The following LYPLAL1 variants were observed in gnomAD, a reference collection of about 807,000 sequenced individuals.
The protein encoded by LYPLAL1 is lysophospholipase like 1.
A neutral mutation model predicts 19.7 loss-of-function variants in LYPLAL1; 23 were observed. The observed-to-expected ratio is 1.17, with a 90% CI of 0.84 to 1.65. LYPLAL1 has a LOEUF of 1.65. Among genes scored for constraint, LYPLAL1 ranks in the 40% most tolerant of loss-of-function variants. The pLI is 0.00. For missense variants in LYPLAL1, 355 were observed against 279.4 expected (o/e 1.27, Z -1.93); for synonymous variants, 119 against 96.3 (o/e 1.24, Z -1.38).
chr1:219,380,227 G>A, the LYPLAL1 span, among the ~76,000 whole-genome samples: 23 of 152,298 alleles, frequency 1.5e-4, no homozygotes, highest in Middle Eastern at 6.8e-3. Flanking sequence ...GAGATTTATC[G>A]AATAAATGCC....
the LYPLAL1 span, among the ~76,000 whole-genome samples, chr1:219,351,207 A>G: frequency 1.3e-5 from 2 of 152,024 alleles, no homozygotes; most frequent in Non-Finnish European, 2.9e-5. Context: ...ATTAGACAAT[A>G]CATAGTAATT....
At chr1:219,402,695 A>G in the LYPLAL1 span, among the ~76,000 whole-genome samples, 5 of 151,702 alleles carry the variant, frequency 3.3e-5, no homozygotes, top group Non-Finnish European at 7.4e-5. Context: ...ATTGTATAGT[A>G]TGCATCATTT....
chr1:219,283,515 T>C, the LYPLAL1 span, among the ~76,000 whole-genome samples: 1 of 152,194 alleles, frequency 6.6e-6, no homozygotes. Flanking sequence ...CTATTTTTCC[T>C]CATAAGCTGT....
At chr1:219,274,988 G>A in the LYPLAL1 span, among the ~76,000 whole-genome samples, 1 of 151,932 alleles carries the variant, frequency 6.6e-6, no homozygotes, top group Admixed American at 6.6e-5. Context: ...TTCCTAAGTC[G>A]TTCCTATTGT....
chr1:219,338,833 T>G, the LYPLAL1 span, among the ~76,000 whole-genome samples: 1 of 151,918 alleles, frequency 6.6e-6, no homozygotes, highest in Non-Finnish European at 1.5e-5. Flanking sequence ...TTCAATGTTT[T>G]ATGAATTAAG....
downstream of LYPLAL1, among the ~76,000 whole-genome samples, chr1:219,215,033 C>T (rs774516849): frequency 6.6e-6 from 1 of 152,064 alleles, no homozygotes. Flanking sequence ...GAGAAAAAAT[C>T]TTACCTATCT....
intron 2 of LYPLAL1, among the ~76,000 whole-genome samples, chr1:219,180,713 GATTA>G (rs1656206935): frequency 6.6e-6 from 1 of 152,190 alleles, no homozygotes; most frequent in African/African-American, 2.4e-5. Context: ...ACAATTGTCT[GATTA>G]ATCATAAGAC....
the LYPLAL1 span, among the ~76,000 whole-genome samples, chr1:219,426,504 G>A: frequency 6.6e-6 from 1 of 152,064 alleles, no homozygotes; most frequent in Admixed American, 6.6e-5. Flanking sequence ...GATATTAGAG[G>A]CAGTAAGGGC....
chr1:219,443,782 A>T, the LYPLAL1 span, among the ~76,000 whole-genome samples: 1 of 152,246 alleles, frequency 6.6e-6, no homozygotes, highest in African/African-American at 2.4e-5. Context: ...TACACTTAAG[A>T]AAGGTTAACA....
chr1:219,327,413 G>A, the LYPLAL1 span, among the ~76,000 whole-genome samples: 4 of 152,270 alleles, frequency 2.6e-5, no homozygotes, highest in South Asian at 2.1e-4. Flanking sequence ...TTGAAATGGC[G>A]AGGCAATTGA....
chr1:219,265,653 T>G, the LYPLAL1 span, among the ~76,000 whole-genome samples: 1 of 152,170 alleles, frequency 6.6e-6, no homozygotes, highest in African/African-American at 2.4e-5. Flanking sequence ...CAGAGATACC[T>G]TCTGAGAAAT....
chr1:219,218,837 G>A, the LYPLAL1 span, among the ~76,000 whole-genome samples: 1 of 152,062 alleles, frequency 6.6e-6, no homozygotes, highest in African/African-American at 2.4e-5. Context: ...GAATAACAAC[G>A]CAAGTACCAG....
intron 2 of LYPLAL1, among the ~76,000 whole-genome samples, chr1:219,187,933 G>A (rs1449995558): frequency 6.6e-6 from 1 of 151,690 alleles, no homozygotes; most frequent in African/African-American, 2.4e-5. Context: ...GTATGGAAAA[G>A]TTTTCTTAGA....
At chr1:219,340,497 G>A in the LYPLAL1 span, among the ~76,000 whole-genome samples, 6 of 151,986 alleles carry the variant, frequency 3.9e-5, no homozygotes, top group Non-Finnish European at 5.9e-5. Context: ...GAGGGGAGGG[G>A]AAGTTACATT....
chr1:219,222,748 A>G, the LYPLAL1 span: 2 of 152,142 alleles, frequency 1.3e-5, no homozygotes, highest in Non-Finnish European at 2.9e-5. Flanking sequence ...CTATAACAAA[A>G]TACCATAGAA....
the LYPLAL1 span, among the ~76,000 whole-genome samples, chr1:219,232,572 G>A: frequency 6.6e-6 from 1 of 152,084 alleles, no homozygotes; most frequent in Non-Finnish European, 1.5e-5. Context: ...GTATGTCAAA[G>A]GATACTATCA....
chr1:219,311,534 G>GTTT, the LYPLAL1 span, among the ~76,000 whole-genome samples: 3 of 144,964 alleles, frequency 2.1e-5, no homozygotes, highest in Admixed American at 6.9e-5. Context: ...TGTTGTAGGT[G>GTTT]TTTTTTTTTT....
At chr1:219,312,977 T>C in the LYPLAL1 span, among the ~76,000 whole-genome samples, 1 of 152,246 alleles carries the variant, frequency 6.6e-6, no homozygotes, top group Non-Finnish European at 1.5e-5. Context: ...CAATGATTCC[T>C]GTCTTCTAAC....
chr1:219,436,176 T>G, the LYPLAL1 span, among the ~76,000 whole-genome samples: 2 of 152,168 alleles, frequency 1.3e-5, no homozygotes, highest in Admixed American at 1.3e-4. Context: ...AGAAGACACC[T>G]GGGCAAGAGG....
Sources: gnomAD v4.1 joint callset for allele counts (sites outside exome capture counted in the v4.1 genomes callset) on GRCh38, gnomAD v4.1.1 for gene constraint, MANE v1.5 for transcripts, NCBI Gene and HGNC (gene_info 2026-07-23, HGNC 2026-07-21) for gene names.